The following PDE1C variants were observed in gnomAD, a reference collection of about 807,000 sequenced individuals.
The protein encoded by PDE1C is dual specificity calcium/calmodulin-dependent 3',5'-cyclic nucleotide phosphodiesterase 1C.
Under a neutral mutation model 93.1 loss-of-function variants are expected in PDE1C, and 62 were observed. The observed-to-expected ratio is 0.67, with a 90% CI of 0.54 to 0.82. PDE1C has a LOEUF of 0.82. PDE1C is among the 40% of genes least tolerant of loss of function. The pLI is 0.00. For missense variants in PDE1C, 742 were observed against 884.6 expected, an observed-to-expected ratio of 0.84 and a Z score of 2.04; for synonymous variants, 325 against 310.1, an observed-to-expected ratio of 1.05 and a Z score of -0.50.
intron 3 of PDE1C, among the ~76,000 whole-genome samples, chr7:32,127,647 TA>T (rs752578199): frequency 6.6e-6 from 1 of 151,914 alleles, no homozygotes; most frequent in Non-Finnish European, 1.5e-5. Flanking sequence ...GACAATATAA[TA>T]GGGGGAGACA....
chr7:32,206,522 C>G (rs1805546836), intron 2 of PDE1C, among the ~76,000 whole-genome samples: 2 of 152,162 alleles, frequency 1.3e-5, no homozygotes, highest in East Asian at 1.9e-4. Flanking sequence ...CTGACTTCAT[C>G]CCAGAAGTCC....
rs74905175 is a variant in PDE1C at position 31,775,712 on chromosome 7, C to T, written c.1912G>A (p.Gly638Ser). The change falls in exon 17 of 18, where the codon GGC becomes AGC. Residue 638 changes from glycine (G) to serine (S), a missense_variant. Gly to Ser is a moderately conservative substitution (Grantham distance 56). Transcript: ENST00000396191. The stretch of plus-strand genomic sequence containing the variant: ...GAGCTGGTGCTTGGGGCTGGTGAGC[C>T]GTGAGAACGCTGTTTTGTGCCTGTG... ...KTDGTKQRSH[G>S]SPAPSTSSTC... 2,804 of 1,612,688 alleles carry T rather than the reference C, an allele frequency of 1.7e-3. 58 individuals are homozygous for T. The East Asian group carries it at 0.052, about 30-fold the overall frequency.
chr7:32,066,539 T>C (rs1795429805), intron 1 of PDE1C, among the ~76,000 whole-genome samples: 1 of 152,112 alleles, frequency 6.6e-6, no homozygotes, highest in Non-Finnish European at 1.5e-5. Context: ...TGCTCTCAGT[T>C]TTTAAAAAAT....
intron 12 of PDE1C, 26 bp from the exon 13 acceptor site, chr7:31,825,013 A>G: frequency 1.2e-6 from 2 of 1,612,814 alleles, no homozygotes; most frequent in South Asian, 1.1e-5. Context: ...AATGCTTCAG[A>G]GGAACCACAT....
intron 2 of PDE1C, among the ~76,000 whole-genome samples, chr7:31,997,287 T>A (rs576932488): frequency 4.1e-4 from 62 of 152,260 alleles, no homozygotes; most frequent in African/African-American, 1.4e-3. Flanking sequence ...CTCAAGGTTA[T>A]CATGAGGATT....
chr7:31,710,732 C>T, the PDE1C span, among the ~76,000 whole-genome samples: 1 of 152,166 alleles, frequency 6.6e-6, no homozygotes, highest in Non-Finnish European at 1.5e-5. Flanking sequence ...AAGTGTTACT[C>T]AAAAATCTCC....
At chr7:31,869,182 C>A (rs897353324) in intron 6 of PDE1C, among the ~76,000 whole-genome samples, 3 of 151,974 alleles carry the variant, frequency 2.0e-5, no homozygotes, top group Non-Finnish European at 4.4e-5. Flanking sequence ...CACCAAACCA[C>A]AATTATAAAT....
At chr7:31,741,190 T>A in the PDE1C span, among the ~76,000 whole-genome samples, 1 of 152,220 alleles carries the variant, frequency 6.6e-6, no homozygotes, top group Non-Finnish European at 1.5e-5. Context: ...TTCACCTTTT[T>A]TATTTCTATT....
At chr7:31,692,726 G>A in the PDE1C span, among the ~76,000 whole-genome samples, 11 of 152,198 alleles carry the variant, frequency 7.2e-5, no homozygotes, top group African/African-American at 2.7e-4. Flanking sequence ...TGAAGCACCA[G>A]TAAGAAGTTC....
At chr7:31,993,089 T>C (rs746946814) in intron 2 of PDE1C, among the ~76,000 whole-genome samples, 2 of 152,248 alleles carry the variant, frequency 1.3e-5, no homozygotes, top group Non-Finnish European at 2.9e-5. Flanking sequence ...ACTTTTGTGA[T>C]GTCTTTCTTC....
Position 32,191,303 on chromosome 7 carries a change from T to C in PDE1C, c.136+18186A>G, listed in dbSNP as rs544213705. On this transcript the variant is annotated intron_variant, in intron 2 of 18. Transcript: ENST00000396193. ...CAAGATCACAACCAGAATGTTGACA[T>C]TGATGCAGTCAATTTACAAAGATTT... Among the ~76,000 whole-genome samples the C allele has an allele frequency of 3.3e-5, 5 of 152,320 alleles. No homozygotes were observed. The East Asian group carries it at 7.7e-4, about 23-fold the overall frequency.
chr7:32,412,757 A>G (rs1438698433), intron 1 of PDE1C, among the ~76,000 whole-genome samples: 2 of 152,238 alleles, frequency 1.3e-5, no homozygotes, highest in Non-Finnish European at 2.9e-5. Flanking sequence ...AATATTGCTC[A>G]GCAATTTAAT....
intron 1 of PDE1C, among the ~76,000 whole-genome samples, chr7:32,387,272 T>C (rs904842482): frequency 6.6e-6 from 1 of 152,140 alleles, no homozygotes; most frequent in Admixed American, 6.5e-5. Context: ...CCATGTCTAC[T>C]TCTATCCACA....
the PDE1C span, among the ~76,000 whole-genome samples, chr7:31,706,790 T>C: frequency 2.6e-5 from 4 of 152,272 alleles, no homozygotes; most frequent in Non-Finnish European, 4.4e-5. Flanking sequence ...AATAACCCTT[T>C]ATAATAATTG....
At chr7:31,620,493 C>T in the PDE1C span, among the ~76,000 whole-genome samples, 1 of 151,404 alleles carries the variant, frequency 6.6e-6, no homozygotes, top group African/African-American at 2.4e-5. Context: ...GATACCCAGG[C>T]AAACAGGGTC....
chr7:31,905,935 G>C (rs1337124527), intron 2 of PDE1C, among the ~76,000 whole-genome samples: 1 of 152,136 alleles, frequency 6.6e-6, no homozygotes, highest in African/African-American at 2.4e-5. Flanking sequence ...CTTGCTGCAA[G>C]AAGGAGAATT....
intron 1 of PDE1C, among the ~76,000 whole-genome samples, chr7:32,409,745 A>G (rs1193071779): frequency 6.6e-6 from 1 of 152,010 alleles, no homozygotes; most frequent in Non-Finnish European, 1.5e-5. Flanking sequence ...GAATCTTTGA[A>G]TAATTTCATA....
chr7:31,783,322 G>T (rs540582650), intron 16 of PDE1C, among the ~76,000 whole-genome samples: 1 of 152,048 alleles, frequency 6.6e-6, no homozygotes, highest in Admixed American at 6.6e-5. Flanking sequence ...GAAATGAAAC[G>T]TGATATAGTC....
chr7:31,688,139 G>C, the PDE1C span, among the ~76,000 whole-genome samples: 2 of 152,148 alleles, frequency 1.3e-5, no homozygotes, highest in Admixed American at 6.5e-5. Context: ...GAAAATATCA[G>C]TGTGTAGGAC....
Sources: gnomAD v4.1 joint callset for allele counts (sites outside exome capture counted in the v4.1 genomes callset) on GRCh38, gnomAD v4.1.1 for gene constraint, MANE v1.5 for transcripts, NCBI Gene and HGNC (gene_info 2026-07-23, HGNC 2026-07-21) for gene names.